TTC23: variants seen among roughly 807,000 people sequenced by gnomAD.
TTC23 encodes the protein tetratricopeptide repeat domain 23.
Under a neutral mutation model 55.1 loss-of-function variants are expected in TTC23, and 58 were observed. The observed-to-expected ratio is 1.05, with a 90% confidence interval of 0.85 to 1.31. The LOEUF (loss-of-function observed/expected upper bound fraction) is 1.31, where lower values mean the gene tolerates loss of function less well. Ranked by LOEUF, TTC23 falls within the 50% of genes most tolerant of loss-of-function variation. The pLI, the probability that TTC23 is intolerant of heterozygous loss-of-function variation, is 0.00. For synonymous variants in TTC23, 203 were observed against 199.9 expected, an observed-to-expected ratio of 1.02 and a Z score of -0.13; for missense variants, 516 against 534.4, an observed-to-expected ratio of 0.97 and a Z score of 0.34.
chr15:99,145,908 G>A (rs1035273161), intron 12 of TTC23, among the ~76,000 whole-genome samples: 1 of 152,126 alleles, frequency 6.6e-6, no homozygotes, highest in Non-Finnish European at 1.5e-5. Context: ...ACTGCCACCC[G>A]CACAACTCCT....
At chr15:99,225,233 G>T (rs996045203) in intron 5 of TTC23, among the ~76,000 whole-genome samples, 3 of 152,116 alleles carry the variant, frequency 2.0e-5, no homozygotes, top group Admixed American at 2.0e-4. Flanking sequence ...TTGTTACAAG[G>T]CATGGTCCAA....
chr15:99,190,518 T>C (rs1219115318), intron 9 of TTC23, among the ~76,000 whole-genome samples: 2 of 152,160 alleles, frequency 1.3e-5, no homozygotes, highest in African/African-American at 4.8e-5. Context: ...CTTCAAATGA[T>C]TAAAAAATAT....
chr15:99,202,113 T>C (rs1342802350), intron 8 of TTC23, among the ~76,000 whole-genome samples: 1 of 152,192 alleles, frequency 6.6e-6, no homozygotes, highest in Non-Finnish European at 1.5e-5. Context: ...ACAGAAACCA[T>C]ATGGCCTACA....
intron 4 of TTC23, among the ~76,000 whole-genome samples, chr15:99,233,940 C>G (rs1046389164): frequency 2.6e-5 from 4 of 152,030 alleles, no homozygotes; most frequent in Non-Finnish European, 5.9e-5. Flanking sequence ...AAGAAGTCTG[C>G]TCAACAAATG....
intron 10 of TTC23, among the ~76,000 whole-genome samples, chr15:99,165,319 G>C (rs566908355): frequency 1.6e-3 from 246 of 152,318 alleles, no homozygotes; most frequent in African/African-American, 5.6e-3. Flanking sequence ...AGAGCTCTGA[G>C]AACATGCCTG....
chr15:99,154,534 A>C (rs1435230649), intron 12 of TTC23, among the ~76,000 whole-genome samples: 2 of 152,182 alleles, frequency 1.3e-5, no homozygotes, highest in East Asian at 3.8e-4. Context: ...CTTTCTGCCA[A>C]GGGATGATGC....
At chr15:99,204,121 G>A (rs1204548116) in intron 8 of TTC23, among the ~76,000 whole-genome samples, 1 of 152,138 alleles carries the variant, frequency 6.6e-6, no homozygotes, top group Non-Finnish European at 1.5e-5. Flanking sequence ...AACAGTGTAT[G>A]AGTGTCCCCC....
At chr15:99,243,690 A>G (rs1185290800) in intron 2 of TTC23, among the ~76,000 whole-genome samples, 1 of 152,180 alleles carries the variant, frequency 6.6e-6, no homozygotes, top group Non-Finnish European at 1.5e-5. Context: ...AAACTGAAGG[A>G]TATTATACTA....
intron 8 of TTC23, among the ~76,000 whole-genome samples, chr15:99,208,118 T>C (rs1002362193): frequency 6.6e-6 from 1 of 152,030 alleles, no homozygotes; most frequent in Admixed American, 6.6e-5. Flanking sequence ...TTACACACCA[T>C]ATGGAGGTCT....
At chr15:99,165,016 G>A (rs1452558110) in intron 10 of TTC23, among the ~76,000 whole-genome samples, 2 of 152,142 alleles carry the variant, frequency 1.3e-5, no homozygotes, top group South Asian at 4.1e-4. Context: ...CTTATAAGGA[G>A]GTATAAGGAG....
chr15:99,194,735 A>G (rs2075555330), intron 9 of TTC23, among the ~76,000 whole-genome samples: 1 of 152,196 alleles, frequency 6.6e-6, no homozygotes, highest in South Asian at 2.1e-4. Flanking sequence ...CGGGAGGTCA[A>G]GACCAGCCTG....
At chr15:99,181,214 G>T (rs2074083636) in intron 9 of TTC23, among the ~76,000 whole-genome samples, 1 of 152,206 alleles carries the variant, frequency 6.6e-6, no homozygotes, top group East Asian at 1.9e-4. Flanking sequence ...TGAGAGGGTA[G>T]AAGTTACAGA....
intron 8 of TTC23, among the ~76,000 whole-genome samples, chr15:99,203,601 GT>G (rs796321147): frequency 1.1e-4 from 16 of 151,956 alleles, no homozygotes; most frequent in African/African-American, 3.9e-4. Context: ...ATACCCAATA[GT>G]TTTCCCCTCT....
At chr15:99,204,632 G>GTTTTTTTTTTTTTTTTTTTT (rs56890685) in intron 8 of TTC23, among the ~76,000 whole-genome samples, 3 of 60,892 alleles carry the variant, frequency 4.9e-5, no homozygotes, top group Admixed American at 2.7e-4. Context: ...TAGATTTAAG[G>GTTTTTTTTTTTTTTTTTTTT]TTTTTTTTTT....
intron 8 of TTC23, among the ~76,000 whole-genome samples, chr15:99,216,871 AC>A (rs911232960): frequency 6.6e-6 from 1 of 152,042 alleles, no homozygotes; most frequent in Non-Finnish European, 1.5e-5. Context: ...AAGCAATACC[AC>A]CCTTGGGATA....
intron 11 of TTC23, chr15:99,160,210 T>G (rs902657178): frequency 1.4e-5 from 2 of 142,950 alleles, no homozygotes; most frequent in Non-Finnish European, 3.0e-5. Flanking sequence ...GTTCCCTAGC[T>G]GACAGAAGGC....
intron 11 of TTC23, chr15:99,157,925 CA>C (rs1160977481): frequency 6.6e-6 from 1 of 152,206 alleles, no homozygotes; most frequent in East Asian, 1.9e-4. Context: ...ATTTAACTGG[CA>C]AATACAGCAG....
chr15:99,239,520 A>AAAAT (rs1213348342), intron 3 of TTC23, among the ~76,000 whole-genome samples: 7 of 152,084 alleles, frequency 4.6e-5, no homozygotes, highest in Non-Finnish European at 1.0e-4. Flanking sequence ...TAAACAAATA[A>AAAAT]AAATAAATAA....
chr15:99,174,991 G>A, intron 10 of TTC23, 59 bp downstream of exon 10: 1 of 1,504,122 alleles, frequency 6.6e-7, no homozygotes, highest in South Asian at 1.2e-5. Context: ...CATCTAGAAG[G>A]CAGCTCGTTT....
Sources: allele counts gnomAD v4.1 joint callset (sites outside exome capture counted in the v4.1 genomes callset), GRCh38; gene constraint gnomAD v4.1.1; transcripts MANE v1.5; gene names NCBI Gene and HGNC (gene_info 2026-07-23, HGNC 2026-07-21).